Variants in MAST4 observed in about 807,000 individuals in gnomAD.
The protein encoded by MAST4 is microtubule associated serine/threonine kinase family member 4.
In MAST4, 89 loss-of-function variants were observed where a neutral mutation model predicts 162.7. The ratio of observed to expected loss-of-function variants is 0.55; its 90% CI spans 0.46 to 0.65. The LOEUF (loss-of-function observed/expected upper bound fraction) is 0.65, where lower values mean the gene tolerates loss of function less well. Among genes scored for constraint, MAST4 ranks in the 30% least tolerant of loss-of-function variants. MAST4 has a pLI of 0.00. For synonymous variants in MAST4, 1,479 were observed against 1,361.1 expected (o/e 1.09, Z -1.91); for missense variants, 3,153 against 3,374.0 (o/e 0.93, Z 1.62).
chr5:66,776,097 TAGAG>T (rs1158260835), intron 2 of MAST4, among the ~76,000 whole-genome samples: 1 of 152,210 alleles, frequency 6.6e-6, no homozygotes, highest in African/African-American at 2.4e-5. Context: ...CTTGTAAAAA[TAGAG>T]AACGTGTTAG....
intron 4 of MAST4, among the ~76,000 whole-genome samples, chr5:67,038,723 A>G (rs557993153): frequency 6.6e-6 from 1 of 152,304 alleles, no homozygotes; most frequent in East Asian, 1.9e-4. Context: ...ATAGGTGCTC[A>G]TGTGATTTTT....
At chr5:66,782,579 T>C (rs1754927738) in intron 2 of MAST4, among the ~76,000 whole-genome samples, 1 of 152,226 alleles carries the variant, frequency 6.6e-6, no homozygotes, top group Non-Finnish European at 1.5e-5. Context: ...ATACAGACCT[T>C]TATTTATTGC....
intron 1 of MAST4, among the ~76,000 whole-genome samples, chr5:66,750,274 T>C (rs1753052180): frequency 6.6e-6 from 1 of 152,280 alleles, no homozygotes; most frequent in East Asian, 1.9e-4. Context: ...GTCTTTAAAA[T>C]GCATGTGCTG....
In MAST4 at chr5:67,165,896, G is replaced by C. The variant is rs749468144; in HGVS notation, c.6717G>C (p.Gly2239=). The change falls in exon 29 of 29, where the codon GGG becomes GGC. Residue 2239 remains glycine (G), a synonymous_variant. Transcript: ENST00000403625. ...TQSLGGSSRE[G]KGHSKSGPDV... ...CCCTCGGTGGCTCTAGCAGAGAGGG[G>C]AAGGGCCACAGTAAGAGTGGGCCGG... is the stretch of plus-strand genomic sequence containing the variant. The C allele has an allele frequency of 1.2e-6, 2 of 1,613,390 alleles. No homozygotes were observed. The highest frequency in any genetic ancestry group is 1.7e-6 in the Non-Finnish European group (2 of 1,179,888).
rs888178720 is a variant in MAST4, at chr5:67,164,873, G to A, written c.5694G>A (p.Arg1898=). 4.3e-6 allele frequency: 7 copies of A among 1,613,862 alleles called. No individual in the cohort carries two copies. The African/African-American group carries it at 6.7e-5, about 15-fold the overall frequency. Residue 1898 remains arginine (R), a synonymous_variant, in exon 29 of 29, where the codon AGG becomes AGA. Transcript: ENST00000403625. This position sits in a 1 kb window ranked among gnomAD's most constrained non-coding sequence, Gnocchi z 5.3. ...CCCTGCCTGACCCAGAGTTCAAGAG[G>A]GACAGGAAAGGTCCCCATCCTACTG... ...AVSLPDPEFK[R]DRKGPHPTAR... is the part of the protein sequence containing the mutation.
At chr5:66,787,609 C>T (rs868515851) in intron 2 of MAST4, among the ~76,000 whole-genome samples, 3 of 152,146 alleles carry the variant, frequency 2.0e-5, no homozygotes, top group Non-Finnish European at 2.9e-5. Context: ...GAGGGAAAAG[C>T]GAGGAACAGA....
At chr5:67,004,988 A>G (rs1007133494) in intron 4 of MAST4, 2 of 768,372 alleles carry the variant, frequency 2.6e-6, no homozygotes, top group Non-Finnish European at 4.8e-6. Context: ...TTGAAGAGAG[A>G]AAGAAATGGA....
At chr5:66,668,263 A>C (rs1017129145) in intron 1 of MAST4, among the ~76,000 whole-genome samples, 1 of 152,246 alleles carries the variant, frequency 6.6e-6, no homozygotes, top group Non-Finnish European at 1.5e-5. Context: ...GATTTTATAC[A>C]GAATATTTTA....
intron 19 of MAST4, among the ~76,000 whole-genome samples, chr5:67,137,446 C>T (rs1769805720): frequency 6.6e-6 from 1 of 152,170 alleles, no homozygotes; most frequent in South Asian, 2.1e-4. Context: ...TAATTTTCAT[C>T]AGTGAAAAGT....
At chr5:67,128,920 G>C (rs1355664900) in intron 14 of MAST4, among the ~76,000 whole-genome samples, 4 of 152,188 alleles carry the variant, frequency 2.6e-5, no homozygotes, top group Non-Finnish European at 1.5e-5. Flanking sequence ...TGACAGGTGA[G>C]GAAGACTTGT....
intron 1 of MAST4, among the ~76,000 whole-genome samples, chr5:66,723,512 A>G (rs1433277524): frequency 1.3e-5 from 2 of 152,168 alleles, no homozygotes; most frequent in African/African-American, 2.4e-5. Context: ...TGGAATTTTT[A>G]AACAATGGCA....
At chr5:66,865,120 G>A (rs1355483847) in intron 3 of MAST4, among the ~76,000 whole-genome samples, 1 of 152,218 alleles carries the variant, frequency 6.6e-6, no homozygotes, top group African/African-American at 2.4e-5. Context: ...GTTCTTTGCT[G>A]GAGATGACAA....
At chr5:66,712,764 C>A (rs1403191563) in intron 1 of MAST4, among the ~76,000 whole-genome samples, 2 of 152,102 alleles carry the variant, frequency 1.3e-5, no homozygotes, top group Non-Finnish European at 2.9e-5. Context: ...AAAAAATAAA[C>A]CCACTAGTAT....
chr5:67,035,868 T>A (rs1249324296), intron 4 of MAST4, among the ~76,000 whole-genome samples: 1 of 152,146 alleles, frequency 6.6e-6, no homozygotes, highest in Non-Finnish European at 1.5e-5. Flanking sequence ...TCTAGGGTAC[T>A]TATAACACCT....
chr5:66,623,192 A>G (rs1306165124), intron 1 of MAST4: 1 of 152,220 alleles, frequency 6.6e-6, no homozygotes, highest in Non-Finnish European at 1.5e-5. Context: ...AGCTACAAGG[A>G]TTATGGCCTT....
At position 66,818,140 on chromosome 5, in the gene MAST4, C is replaced by T. The variant is rs149326378; in HGVS notation, c.642+29346C>T. On this transcript the variant is annotated intron_variant, in intron 3 of 28. Transcript: ENST00000403625. ...TACATTTTGGTTATAAATCATTGCT[C>T]ATTTAAATTAGATATGACTTTAGGG... 1.6e-4 allele frequency among the ~76,000 whole-genome samples: 24 copies of T among 152,260 alleles called. No homozygotes were observed. The East Asian group carries it at 4.0e-3, about 26-fold the overall frequency.
chr5:67,057,232 G>A (rs1758944784), intron 5 of MAST4, among the ~76,000 whole-genome samples: 1 of 152,140 alleles, frequency 6.6e-6, no homozygotes, highest in South Asian at 2.1e-4. Context: ...CCTTTCTGTT[G>A]CTATGTTCTC....
At chr5:66,771,658 C>A (rs1754364795) in intron 2 of MAST4, among the ~76,000 whole-genome samples, 1 of 152,078 alleles carries the variant, frequency 6.6e-6, no homozygotes, top group African/African-American at 2.4e-5. Context: ...GGCTTTGGTC[C>A]TTCCCGAGGA....
intron 4 of MAST4, among the ~76,000 whole-genome samples, chr5:66,993,009 C>T (rs1242012251): frequency 6.6e-6 from 1 of 152,168 alleles, no homozygotes; most frequent in Non-Finnish European, 1.5e-5. Flanking sequence ...TGTTTTTATT[C>T]ATCTTTTTAG....
Sources: gnomAD v4.1 joint callset for allele counts (sites outside exome capture counted in the v4.1 genomes callset) on GRCh38, gnomAD v4.1.1 for gene constraint, Gnocchi (gnomAD v3.1) non-coding constraint, MANE v1.5 for transcripts, NCBI Gene and HGNC (gene_info 2026-07-23, HGNC 2026-07-21) for gene names.